The following PFKM variants were observed in gnomAD, a reference collection of about 807,000 sequenced individuals.
PFKM encodes the protein ATP-dependent 6-phosphofructokinase, muscle type.
In PFKM, 58 loss-of-function variants were observed where a neutral mutation model predicts 95.5. The ratio of observed to expected loss-of-function variants is 0.61; its 90% CI spans 0.49 to 0.76. PFKM has a LOEUF of 0.76. Ranked by LOEUF, PFKM falls within the 30% of genes least tolerant of loss-of-function variation. The pLI is 0.00. For synonymous variants in PFKM, 336 were observed against 357.2 expected (o/e 0.94, Z 0.67); for missense variants, 678 against 1,005.4 (o/e 0.67, Z 4.40).
intron 3 of PFKM, among the ~76,000 whole-genome samples, chr12:48,109,775 C>G (rs373311946): frequency 8.5e-5 from 13 of 152,136 alleles, no homozygotes; most frequent in African/African-American, 2.9e-4. Flanking sequence ...TTTCCCAGCA[C>G]CAATAAGGCC....
chr12:48,106,324 T>G (rs1283230268), intron 1 of PFKM: 1 of 576,836 alleles, frequency 1.7e-6, no homozygotes, highest in East Asian at 3.0e-5. Context: ...TAGTGAGCCC[T>G]TCGTCCTATG....
At chr12:48,116,499 G>A (rs1947695460), upstream of PFKM, among the ~76,000 whole-genome samples, 8 of 152,008 alleles carry the variant, frequency 5.3e-5, no homozygotes, top group Admixed American at 5.2e-4. Context: ...TTATGTTTGA[G>A]ACAGGATCTC....
intron 3 of PFKM, among the ~76,000 whole-genome samples, chr12:48,110,668 G>A (rs192861453): frequency 3.1e-4 from 47 of 152,288 alleles, no homozygotes; most frequent in Admixed American, 2.0e-3. Context: ...TCTGCTCCTT[G>A]TTCTAAGTGC....
chr12:48,128,988 G>C (rs1949134815), intron 2 of PFKM, among the ~76,000 whole-genome samples: 2 of 152,110 alleles, frequency 1.3e-5, no homozygotes, highest in Non-Finnish European at 2.9e-5. Flanking sequence ...GCCATGCTTA[G>C]CAGAGGATCA....
chr12:48,133,074 A>G lies in PFKM; in HGVS notation c.427+17A>G, dbSNP rs1311453381. ...AGAAAGCAGGTAAGAGAGTTTTCAC[A>G]TCAGTATTGCTTATTTGTGTCGGTA... On this transcript the variant is annotated intron_variant, in intron 5 of 22. Transcript: ENST00000359794. 3 of 1,610,162 alleles carry G rather than the reference A, an allele frequency of 1.9e-6. No individual in the cohort carries two copies. The highest frequency in any genetic ancestry group is 1.3e-5 in the African/African-American group (1 of 74,964).
At chr12:48,112,587 A>G (rs1430619728) in intron 3 of PFKM, among the ~76,000 whole-genome samples, 1 of 152,186 alleles carries the variant, frequency 6.6e-6, no homozygotes, top group Admixed American at 6.5e-5. Flanking sequence ...GTGCAAAGGA[A>G]TAGTAAAGAA....
chr12:48,131,286 C>A, intron 3 of PFKM, 30 bp from the exon 4 acceptor site: 1 of 1,485,134 alleles, frequency 6.7e-7, no homozygotes, highest in Non-Finnish European at 9.4e-7. Context: ...AGAAGCCTAA[C>A]GGGCTGAACA....
chr12:48,140,584 T>G (rs1950497687), intron 13 of PFKM, 138 bp from the exon 14 acceptor site: 5 of 846,336 alleles, frequency 5.9e-6, no homozygotes, highest in Non-Finnish European at 1.0e-5. Flanking sequence ...GGGAGAGGGG[T>G]GTGTGTTGTG....
intron 11 of PFKM, among the ~76,000 whole-genome samples, chr12:48,138,350 G>A (rs961039027): frequency 6.6e-6 from 1 of 152,168 alleles, no homozygotes; most frequent in East Asian, 1.9e-4. Context: ...AGCAAATGTT[G>A]AGTGCTCAGG....
At chr12:48,115,340 GA>G (rs1565846424), upstream of PFKM, among the ~76,000 whole-genome samples, 6 of 152,186 alleles carry the variant, frequency 3.9e-5, no homozygotes. Context: ...GGCTGAGTCC[GA>G]AAAAGGAGTC....
At chr12:48,134,867 C>G in intron 8 of PFKM, 38 bp downstream of exon 8, 1 of 1,588,068 alleles carries the variant, frequency 6.3e-7, no homozygotes, top group Non-Finnish European at 8.6e-7. Flanking sequence ...AAATCCCTCA[C>G]CCTGTTCCAC....
At chr12:48,118,394 G>T (rs1947862078), upstream of PFKM, 4 of 708,902 alleles carry the variant, frequency 5.6e-6, no homozygotes, top group Non-Finnish European at 9.9e-6. Context: ...TTTCTTGATG[G>T]TATAATTTGG....
intron 1 of PFKM, among the ~76,000 whole-genome samples, chr12:48,121,073 C>A (rs547709145): frequency 3.3e-5 from 5 of 152,316 alleles, no homozygotes; most frequent in Middle Eastern, 3.4e-3. Context: ...ATCACTTGAA[C>A]CTGGGAGGCA....
At chr12:48,112,836 T>C (rs941705173) in intron 3 of PFKM, among the ~76,000 whole-genome samples, 2 of 152,156 alleles carry the variant, frequency 1.3e-5, no homozygotes, top group African/African-American at 4.8e-5. Flanking sequence ...AGGTGAGTGA[T>C]AACAGGCTTT....
intron 5 of PFKM, 59 bp from the exon 6 acceptor site, chr12:48,133,256 C>G: frequency 6.8e-7 from 1 of 1,463,042 alleles, no homozygotes; most frequent in South Asian, 1.1e-5. Context: ...CTAGATATCT[C>G]CTCTTTAGGC....
At chr12:48,120,940 C>T (rs1948192238) in intron 1 of PFKM, among the ~76,000 whole-genome samples, 1 of 152,174 alleles carries the variant, frequency 6.6e-6, no homozygotes, top group Non-Finnish European at 1.5e-5. Flanking sequence ...CACCTGAAGT[C>T]AGGAGTTCAA....
Position 48,131,553 on chromosome 12 carries a change from G to C in PFKM, c.237+160G>C, listed in dbSNP as rs1949485949. ...TATTTGCCCTTTACTCTTAGCATTT[G>C]AAAATACCACCCTGGTTTCCTGGGG... is the stretch of plus-strand genomic sequence containing the variant. On this transcript the variant is annotated intron_variant, in intron 4 of 22. Transcript: ENST00000359794. 4.4e-6 allele frequency: 3 copies of C among 687,632 alleles called. No homozygotes were observed. The South Asian group carries it at 4.6e-5, about 11-fold the overall frequency. The allele number at this position is 687,632 out of a possible 1,614,324, so 42.6% of individuals were successfully genotyped here. A position where few individuals can be genotyped will look rare whatever the true frequency, so the allele number is the denominator to read the frequency against.
Position 48,141,834 on chromosome 12 carries a change from G to A in PFKM, c.1500+7G>A. The stretch of plus-strand genomic sequence containing the variant: ...CATCATTGGGGGCTTTGAGGTGAGT[G>A]CCTGCCACCATTTCTTCCTCTCTCC... On this transcript the variant is annotated splice_region_variant and intron_variant, in intron 16 of 22. Coordinates refer to ENST00000359794, the MANE Select transcript of PFKM (RefSeq NM_000289.6). The A allele has an allele frequency of 6.2e-7, 1 of 1,613,210 alleles. No individual in the cohort carries two copies. Among genetic ancestry groups the A allele is most frequent in the Non-Finnish European group, 8.5e-7 (1 of 1,179,194 alleles).
At chr12:48,113,485 T>C (rs530775527) in intron 3 of PFKM, among the ~76,000 whole-genome samples, 5 of 152,016 alleles carry the variant, frequency 3.3e-5, no homozygotes, top group Non-Finnish European at 7.4e-5. Context: ...GCCAGGTGAG[T>C]TGGACAGTCC....
Sources: gnomAD v4.1 joint callset for allele counts (sites outside exome capture counted in the v4.1 genomes callset) on GRCh38, gnomAD v4.1.1 for gene constraint, MANE v1.5 for transcripts, NCBI Gene and HGNC (gene_info 2026-07-23, HGNC 2026-07-21) for gene names.